Variants in SLX9 observed in about 807,000 individuals in gnomAD.
SLX9 encodes the protein ribosome biogenesis protein SLX9 homolog.
SLX9 carries 19 observed loss-of-function variants against 20.8 expected under a neutral mutation model. That is an observed-to-expected ratio of 0.91 (90% confidence interval 0.64 to 1.34). The LOEUF (loss-of-function observed/expected upper bound fraction) is 1.34. Among genes scored for constraint, SLX9 ranks in the 40% most tolerant of loss-of-function variants. The probability of loss-of-function intolerance (pLI) is 0.00; values close to 1 mark genes in which losing one functional copy is unlikely to be tolerated. For synonymous variants in SLX9, 113 were observed against 137.1 expected (o/e 0.82, Z 1.23); for missense variants, 299 against 322.2 (o/e 0.93, Z 0.55).
intron 2 of SLX9, among the ~76,000 whole-genome samples, chr21:44,949,316 T>A (rs114317882): frequency 0.016 from 2,459 of 152,174 alleles, 80 homozygotes; most frequent in African/African-American, 0.056. Context: ...CCCTGGGCCC[T>A]GGGCCCGGCT....
chr21:44,966,646 G>A (rs897288445), intron 3 of SLX9, among the ~76,000 whole-genome samples: 19 of 152,056 alleles, frequency 1.2e-4, no homozygotes, highest in African/African-American at 4.6e-4. Flanking sequence ...ACAAAGCTGA[G>A]CCTCCCAGGC....
At chr21:44,946,865 C>G (rs945784640) in intron 2 of SLX9, among the ~76,000 whole-genome samples, 1 of 152,190 alleles carries the variant, frequency 6.6e-6, no homozygotes. Context: ...GAGGGACAGG[C>G]CTCCACTTCC....
rs113297794 is a variant in SLX9, at chr21:44,949,271, C to T, written c.283+5434C>T. ...CCCTCGCACGGTTTGTGGCCTTGCC[C>T]GGGGGCTGCTCCTGATCAGGGAGTG... On this transcript the variant is annotated intron_variant, in intron 2 of 5. Coordinates refer to ENST00000291634, the MANE Select transcript of SLX9 (RefSeq NM_058190.4). Among the ~76,000 whole-genome samples, 1,139 of 152,214 alleles carry T rather than the reference C, an allele frequency of 7.5e-3. 21 individuals are homozygous for T. The highest frequency in any genetic ancestry group is 0.025 in the African/African-American group (1,054 of 41,536).
intron 5 of SLX9, among the ~76,000 whole-genome samples, chr21:44,974,260 G>A (rs9983724): frequency 0.72 from 108,756 of 151,958 alleles, 40,579 homozygotes; most frequent in South Asian, 0.9. Context: ...CAGTTCTACC[G>A]AGGCCCATTG....
At chr21:44,967,567 C>T (rs982612905) in intron 4 of SLX9, among the ~76,000 whole-genome samples, 1 of 152,186 alleles carries the variant, frequency 6.6e-6, no homozygotes, top group Non-Finnish European at 1.5e-5. Flanking sequence ...AGCTGAGGCC[C>T]CTGAGCATCC....
chr21:44,966,377 C>T lies in SLX9; in HGVS notation c.353-657C>T, dbSNP rs1006164666. Reference sequence around the variant, plus strand: ...GTGGGTTGCCCTGAAGAGAGCAGGCCGTCCGCGCTCCACAGCCTCCAGGAG... The same window carrying T: ...GTGGGTTGCCCTGAAGAGAGCAGGCTGTCCGCGCTCCACAGCCTCCAGGAG... On this transcript the variant is annotated intron_variant, in intron 3 of 5. Coordinates refer to ENST00000291634, the MANE Select transcript of SLX9 (RefSeq NM_058190.4). Among the ~76,000 whole-genome samples, 5 of 152,298 alleles carry T rather than the reference C, an allele frequency of 3.3e-5. No homozygotes were observed. The East Asian group carries it at 5.8e-4, about 18-fold the overall frequency.
In SLX9 at chr21:44,943,717, A is replaced by G; in HGVS notation, c.163A>G (p.Arg55Gly). 1.9e-6 allele frequency: 3 copies of G among 1,614,200 alleles called. No individual in the cohort carries two copies. The highest frequency in any genetic ancestry group is 2.2e-5 in the East Asian group (1 of 44,876). ...WAFINTNIFA[R>G]TKIDPSALVQ... ...GTTCATCAACACCAACATCTTTGCC[A>G]GGACCAAGATAGACCCCAGCGCCTT... Residue 55 changes from arginine (R) to glycine (G), a missense_variant, in exon 2 of 6, where the codon AGG becomes GGG. Coordinates refer to ENST00000291634, the MANE Select transcript of SLX9 (RefSeq NM_058190.4).
At chr21:44,962,087 T>C (rs1465951603) in intron 3 of SLX9, among the ~76,000 whole-genome samples, 2 of 152,244 alleles carry the variant, frequency 1.3e-5, no homozygotes, top group African/African-American at 4.8e-5. Flanking sequence ...AAAAATGCGT[T>C]TCAAAGTAAA....
rs2085056423 is a variant in SLX9 at position 44,967,325 on chromosome 21, A to G, written c.500+144A>G. Reference sequence around the variant, plus strand: ...GCTGGGGCTCCAGCCGGTGCTCCGCACAGGTACCCTGTTCTCAGGGCGTGA... The same window carrying G: ...GCTGGGGCTCCAGCCGGTGCTCCGCGCAGGTACCCTGTTCTCAGGGCGTGA... On this transcript the variant is annotated intron_variant, in intron 4 of 5. Coordinates refer to ENST00000291634, the MANE Select transcript of SLX9 (RefSeq NM_058190.4). 7.3e-6 allele frequency: 9 copies of G among 1,236,934 alleles called. No homozygotes were observed. The South Asian group carries it at 1.3e-4, about 17-fold the overall frequency. 76.6% of individuals were successfully genotyped at this position (1,236,934 alleles called of 1,614,324 possible). A position where few individuals can be genotyped will look rare whatever the true frequency, so the allele number is the denominator to read the frequency against.
At chr21:44,961,308 G>C (rs933569974) in intron 3 of SLX9, among the ~76,000 whole-genome samples, 1 of 152,126 alleles carries the variant, frequency 6.6e-6, no homozygotes, top group Non-Finnish European at 1.5e-5. Flanking sequence ...TCTGAGGATG[G>C]TGTCTCATGC....
At chr21:44,966,560 C>A (rs2085039081) in intron 3 of SLX9, among the ~76,000 whole-genome samples, 2 of 152,206 alleles carry the variant, frequency 1.3e-5, no homozygotes, top group Admixed American at 6.5e-5. Context: ...TACCTGCCAC[C>A]CCCCATGGCC....
At chr21:44,969,696 G>A (rs539901098) in intron 4 of SLX9, among the ~76,000 whole-genome samples, 3 of 152,340 alleles carry the variant, frequency 2.0e-5, no homozygotes, top group Non-Finnish European at 4.4e-5. Flanking sequence ...AGTGTGGTAC[G>A]TTCGTCACAT....
chr21:44,959,748 G>A (rs1228321954), intron 2 of SLX9, among the ~76,000 whole-genome samples: 1 of 152,218 alleles, frequency 6.6e-6, no homozygotes. Context: ...TTCATGAGCC[G>A]TCGGGCATTC....
chr21:44,973,221 C>T lies in SLX9; in HGVS notation c.525C>T (p.Pro175=). Residue 175 remains proline (P), a synonymous_variant, in exon 5 of 6, where the codon CCC becomes CCT. Transcript: ENST00000291634. ...GCAGGGAGAGCAACAAGCCCCGGCC[C>T]TCAGAGCTCAGCCGGATGAGCGCAG... is the stretch of plus-strand genomic sequence containing the variant. ...ARSRESNKPR[P]SELSRMSAAQ... 6.2e-7 allele frequency: 1 copy of T among 1,613,106 alleles called. No homozygotes were observed.
intron 2 of SLX9, among the ~76,000 whole-genome samples, chr21:44,956,339 A>T (rs2084857525): frequency 6.6e-6 from 1 of 152,044 alleles, no homozygotes; most frequent in African/African-American, 2.4e-5. Context: ...TTTTTAATGT[A>T]TTTAATCCAT....
chr21:44,955,030 A>G (rs536635697), intron 2 of SLX9, among the ~76,000 whole-genome samples: 1 of 152,026 alleles, frequency 6.6e-6, no homozygotes, highest in Non-Finnish European at 1.5e-5. Context: ...GCTGGCCAAC[A>G]TCATGAAAGA....
At chr21:44,976,591 T>G (rs2085267630) in intron 5 of SLX9, 89 bp from the exon 6 acceptor site, 1 of 1,513,250 alleles carries the variant, frequency 6.6e-7, no homozygotes, top group Admixed American at 2.1e-5. Flanking sequence ...GCCTCTGCCA[T>G]TCATTTCGGT....
At chr21:44,952,612 G>A (rs1308404281) in intron 2 of SLX9, among the ~76,000 whole-genome samples, 1 of 152,208 alleles carries the variant, frequency 6.6e-6, no homozygotes, top group Non-Finnish European at 1.5e-5. Flanking sequence ...GGGTTATGTG[G>A]CCCCACGCCC....
At chr21:44,952,238 G>C (rs138411846) in intron 2 of SLX9, among the ~76,000 whole-genome samples, 2 of 152,250 alleles carry the variant, frequency 1.3e-5, no homozygotes, top group Non-Finnish European at 2.9e-5. Flanking sequence ...CCGGCTTGCC[G>C]AGGTCCCTGG....
Sources: allele counts gnomAD v4.1 joint callset (sites outside exome capture counted in the v4.1 genomes callset), GRCh38; gene constraint gnomAD v4.1.1; transcripts MANE v1.5; gene names NCBI Gene and HGNC (gene_info 2026-07-23, HGNC 2026-07-21).